Variants in NRK observed in about 807,000 individuals in gnomAD.
The protein encoded by NRK is nik-related protein kinase.
Under a neutral mutation model 125.2 loss-of-function variants are expected in NRK, and 67 were observed. The ratio of observed to expected loss-of-function variants is 0.54; its 90% CI spans 0.44 to 0.66. The LOEUF (loss-of-function observed/expected upper bound fraction) is 0.66, where lower values mean the gene tolerates loss of function less well. NRK is among the 30% of genes least tolerant of loss of function. NRK has a pLI of 0.00. For missense variants in NRK, 1,224 were observed against 1,192.9 expected (o/e 1.03, Z -0.38); for synonymous variants, 458 against 429.0 (o/e 1.07, Z -0.84).
chrX:105,927,389 G>T (rs1032537823), intron 19 of NRK, among the ~76,000 whole-genome samples: 1 of 111,228 alleles, frequency 9.0e-6, no homozygotes, highest in African/African-American at 3.3e-5. Context: ...TAGTGTCAAA[G>T]GATATTCTAT....
At chrX:105,882,252 AC>A (rs779091644) in intron 4 of NRK, among the ~76,000 whole-genome samples, 1 of 104,599 alleles carries the variant, frequency 9.6e-6, no homozygotes, top group Non-Finnish European at 2.0e-5. Context: ...CCACGTGCCC[AC>A]CCCCCCGCTT....
In NRK at chrX:105,956,750, G is replaced by A. The variant is rs957752578; in HGVS notation, c.*1150G>A. On this transcript the variant is annotated 3_prime_UTR_variant, in exon 29 of 29. Coordinates refer to ENST00000243300, the MANE Select transcript of NRK (RefSeq NM_198465.4). ...ATATATATAAGCCTGCAAAATTAGAGTAGTGAAAGTCATGCTAGTCCATCA... is the reference window on the plus strand; with the variant it reads ...ATATATATAAGCCTGCAAAATTAGAATAGTGAAAGTCATGCTAGTCCATCA... 1 of 111,674 alleles carries A rather than the reference G, an allele frequency of 9.0e-6. No homozygotes were observed. Among genetic ancestry groups the A allele is most frequent in the Non-Finnish European group, 1.9e-5 (1 of 53,114 alleles). 9.2% of individuals were successfully genotyped at this position (111,674 alleles called of 1,213,427 possible).
At chrX:105,823,271 G>T (rs2039048619) in intron 1 of NRK, among the ~76,000 whole-genome samples, 1 of 112,106 alleles carries the variant, frequency 8.9e-6, no homozygotes, top group Non-Finnish European at 1.9e-5. Context: ...GCAACGTCGG[G>T]TGGCTTCCTG....
intron 1 of NRK, 73 bp downstream of exon 1, chrX:105,822,975 G>A: frequency 1.1e-6 from 1 of 948,961 alleles, no homozygotes; most frequent in Non-Finnish European, 1.4e-6. Context: ...GGGAGGGAGC[G>A]GACGCCCTCA....
chrX:105,916,922 A>G lies in NRK; in HGVS notation c.2418-656A>G, dbSNP rs762691724. 1.3e-4 allele frequency among the ~76,000 whole-genome samples: 14 copies of G among 111,802 alleles called. No individual in the cohort carries two copies. The South Asian group carries it at 5.2e-3, about 41-fold the overall frequency. On this transcript the variant is annotated intron_variant, in intron 15 of 28. Transcript: ENST00000243300. ...AAAAAGTTAACTTAAATGAAACTCA[A>G]ATCTTTCCGGAAATTTGGGGCCATG...
intron 9 of NRK, 33 bp from the exon 10 acceptor site, chrX:105,905,232 A>AT: frequency 9.2e-7 from 1 of 1,087,227 alleles, no homozygotes; most frequent in Non-Finnish European, 1.3e-6. Flanking sequence ...TACCCTTCTC[A>AT]TTCTTTCTAA....
intron 2 of NRK, among the ~76,000 whole-genome samples, chrX:105,857,867 C>T (rs1257208008): frequency 9.0e-6 from 1 of 111,076 alleles, no homozygotes; most frequent in African/African-American, 3.3e-5. Context: ...TTCCTTCCCA[C>T]TTTTTTCCTT....
intron 19 of NRK, among the ~76,000 whole-genome samples, chrX:105,932,277 G>T (rs1311518872): frequency 1.8e-5 from 2 of 111,688 alleles, no homozygotes; most frequent in African/African-American, 6.5e-5. Context: ...TGTGAAAAGC[G>T]CTGCTGTGAA....
chrX:105,938,988 A>G (rs1275333639), intron 22 of NRK, among the ~76,000 whole-genome samples: 3 of 111,075 alleles, frequency 2.7e-5, no homozygotes, highest in Non-Finnish European at 3.8e-5. Context: ...TGAGAACTCA[A>G]TATCATGAGA....
rs1656379784 is a variant in NRK, at chrX:105,935,199, G to A, written c.3529G>A (p.Glu1177Lys). The change falls in exon 21 of 29, where the codon GAA (glutamate) becomes AAA (lysine). Residue 1177 changes from glutamate (E) to lysine (K), a missense_variant. Coordinates refer to ENST00000243300, the MANE Select transcript of NRK (RefSeq NM_198465.4). ...CGCTGGATTCGTAGAAGTACCTGAG[G>A]AATCACCTAAGCAACCCTCTGAAGT... ...LYAGFVEVPE[E>K]SPKQPSEVNV... 1.7e-6 allele frequency: 2 copies of A among 1,197,644 alleles called. No individual in the cohort carries two copies. The highest frequency in any genetic ancestry group is 5.9e-5 in the East Asian group (2 of 33,698).
intron 26 of NRK, chrX:105,948,530 G>A: frequency 2.5e-6 from 1 of 407,061 alleles, no homozygotes. Flanking sequence ...GAGGCTGTAT[G>A]GATTTGCAGC....
intron 19 of NRK, among the ~76,000 whole-genome samples, chrX:105,925,934 A>G (rs1461153263): frequency 9.0e-6 from 1 of 110,830 alleles, no homozygotes; most frequent in Admixed American, 9.6e-5. Context: ...TCTTTGATAC[A>G]CTGATTTCCT....
chrX:105,855,339 C>T (rs1271250970), intron 2 of NRK, among the ~76,000 whole-genome samples: 2 of 111,446 alleles, frequency 1.8e-5, no homozygotes, highest in Non-Finnish European at 3.8e-5. Context: ...ACTAGAAGAG[C>T]ATAAAGAAAT....
intron 2 of NRK, among the ~76,000 whole-genome samples, chrX:105,860,933 G>T (rs999948869): frequency 3.2e-4 from 36 of 110,847 alleles, no homozygotes; most frequent in Middle Eastern, 4.7e-3. Flanking sequence ...ATGTTGACAT[G>T]ACCATTCATA....
chrX:105,888,837 C>G (rs1445270526), intron 5 of NRK, among the ~76,000 whole-genome samples: 1 of 110,880 alleles, frequency 9.0e-6, no homozygotes, highest in Non-Finnish European at 1.9e-5. Flanking sequence ...AGACCGGCCC[C>G]CATGATTCAG....
intron 2 of NRK, among the ~76,000 whole-genome samples, chrX:105,862,040 G>C (rs1254261727): frequency 2.7e-5 from 3 of 110,627 alleles, no homozygotes; most frequent in African/African-American, 1.0e-4. Context: ...TCCAGCCTGT[G>C]CGGCACAGCA....
chrX:105,885,336 T>C (rs2039930198), intron 4 of NRK, among the ~76,000 whole-genome samples: 1 of 112,075 alleles, frequency 8.9e-6, no homozygotes, highest in South Asian at 3.7e-4. Flanking sequence ...TCAACTATTT[T>C]GTATTCACCG....
At chrX:105,917,927 G>A (rs774122782) in intron 16 of NRK, among the ~76,000 whole-genome samples, 24 of 110,522 alleles carry the variant, frequency 2.2e-4, no homozygotes, top group East Asian at 8.6e-4. Context: ...CTAAGAAGGC[G>A]GGGGGAGTCA....
At chrX:105,888,569 G>C in intron 5 of NRK, 150 bp downstream of exon 5, 1 of 476,549 alleles carries the variant, frequency 2.1e-6, no homozygotes, top group Non-Finnish European at 3.3e-6. Flanking sequence ...GTCTCACAAT[G>C]CTATTAGGTT....
Sources: allele counts gnomAD v4.1 joint callset (sites outside exome capture counted in the v4.1 genomes callset), GRCh38; gene constraint gnomAD v4.1.1; transcripts MANE v1.5; gene names NCBI Gene and HGNC (gene_info 2026-07-23, HGNC 2026-07-21).